KIF6: variants seen among roughly 807,000 people sequenced by gnomAD.
The protein encoded by KIF6 is kinesin-like protein KIF6.
KIF6 carries 106 observed loss-of-function variants against 112.7 expected under a neutral mutation model. The observed-to-expected ratio is 0.94, with a 90% confidence interval of 0.80 to 1.11. The LOEUF (loss-of-function observed/expected upper bound fraction) is 1.11. Among genes scored for constraint, KIF6 ranks in the 50% least tolerant of loss-of-function variants. The probability of loss-of-function intolerance (pLI) is 0.00; values close to 1 mark genes in which losing one functional copy is unlikely to be tolerated. For synonymous variants in KIF6, 339 were observed against 339.9 expected (o/e 1.00, Z 0.03); for missense variants, 929 against 964.0 (o/e 0.96, Z 0.48).
chr6:39,716,833 T>C (rs998321964), intron 2 of KIF6, among the ~76,000 whole-genome samples: 2 of 152,196 alleles, frequency 1.3e-5, no homozygotes, highest in African/African-American at 2.4e-5. Context: ...TCCTGTGCTC[T>C]TCCTCATCTC....
At chr6:39,551,758 G>T (rs1311833432) in intron 10 of KIF6, among the ~76,000 whole-genome samples, 2 of 152,150 alleles carry the variant, frequency 1.3e-5, no homozygotes, top group African/African-American at 4.8e-5. Context: ...ATTGACTGTG[G>T]TAGCATAAGA....
intron 13 of KIF6, among the ~76,000 whole-genome samples, chr6:39,523,509 C>T (rs1562285103): frequency 6.6e-6 from 1 of 151,414 alleles, no homozygotes; most frequent in Non-Finnish European, 1.5e-5. Context: ...TCCACACAAA[C>T]CCTACAATCC....
intron 4 of KIF6, among the ~76,000 whole-genome samples, chr6:39,638,150 C>T (rs1784723063): frequency 6.6e-6 from 1 of 151,970 alleles, no homozygotes; most frequent in Non-Finnish European, 1.5e-5. Flanking sequence ...CATTAATATC[C>T]ATATGTGGAT....
At position 39,552,925 on chromosome 6, in the gene KIF6, C is replaced by T. The variant is rs955668773; in HGVS notation, c.1182-7237G>A. 3.9e-5 allele frequency among the ~76,000 whole-genome samples: 6 copies of T among 152,046 alleles called. No individual in the cohort carries two copies. In the East Asian group the frequency reaches 7.7e-4, roughly 20 times the overall value. ...ATTAACTACATAACTACACAATCCA[C>T]CAAGGACATGAAAAGCTGAAGGCTG... is the stretch of plus-strand genomic sequence containing the variant. On this transcript the variant is annotated intron_variant, in intron 10 of 22. Transcript: ENST00000287152.
At chr6:39,523,922 C>T (rs1257908955) in intron 13 of KIF6, among the ~76,000 whole-genome samples, 4 of 151,714 alleles carry the variant, frequency 2.6e-5, no homozygotes, top group Non-Finnish European at 4.4e-5. Context: ...AGCTTGAATT[C>T]AATGAATTTT....
intron 13 of KIF6, among the ~76,000 whole-genome samples, chr6:39,455,827 A>T (rs1329313865): frequency 6.7e-6 from 1 of 148,274 alleles, no homozygotes; most frequent in Non-Finnish European, 1.5e-5. Flanking sequence ...AGAAAAAAGA[A>T]TAAAAAGAAA....
chr6:39,528,971 T>A (rs999457762), intron 13 of KIF6, among the ~76,000 whole-genome samples: 2 of 152,296 alleles, frequency 1.3e-5, no homozygotes, highest in Non-Finnish European at 2.9e-5. Context: ...AATAGACTCA[T>A]CGACCAATGG....
intron 13 of KIF6, among the ~76,000 whole-genome samples, chr6:39,467,331 A>T (rs1773852910): frequency 1.3e-5 from 2 of 152,362 alleles, no homozygotes; most frequent in South Asian, 4.1e-4. Context: ...ATGGCCTCAA[A>T]GACTACCCCT....
At chr6:39,460,538 A>T (rs1773409394) in intron 13 of KIF6, among the ~76,000 whole-genome samples, 1 of 102,020 alleles carries the variant, frequency 9.8e-6, no homozygotes, top group Admixed American at 9.4e-5. Flanking sequence ...AAAAAAAGTA[A>T]AAAAAAAAAA....
intron 13 of KIF6, among the ~76,000 whole-genome samples, chr6:39,486,663 A>C (rs1241538758): frequency 6.6e-6 from 1 of 152,246 alleles, no homozygotes; most frequent in African/African-American, 2.4e-5. Flanking sequence ...ACATATGTAC[A>C]TACTAAAGAA....
chr6:39,475,515 A>G (rs868366582), intron 13 of KIF6, among the ~76,000 whole-genome samples: 2 of 152,210 alleles, frequency 1.3e-5, no homozygotes, highest in South Asian at 4.1e-4. Context: ...AATATTTGTT[A>G]GGATTGTCTT....
chr6:39,669,041 T>C (rs1438750245), intron 3 of KIF6, among the ~76,000 whole-genome samples: 1 of 152,206 alleles, frequency 6.6e-6, no homozygotes, highest in African/African-American at 2.4e-5. Flanking sequence ...TTTTTATTAC[T>C]TAATACCTGT....
intron 13 of KIF6, among the ~76,000 whole-genome samples, chr6:39,440,153 G>A (rs909624826): frequency 7.2e-5 from 11 of 152,042 alleles, no homozygotes; most frequent in Admixed American, 2.0e-4. Flanking sequence ...ATTCCAAGGA[G>A]ATGGGGGTTT....
chr6:39,447,235 G>T (rs766941625), intron 13 of KIF6, among the ~76,000 whole-genome samples: 17 of 152,256 alleles, frequency 1.1e-4, no homozygotes, highest in South Asian at 2.1e-4. Flanking sequence ...AATGTGACAG[G>T]ACAGGGGCTT....
chr6:39,591,216 G>A (rs547984843), intron 7 of KIF6, among the ~76,000 whole-genome samples: 18 of 152,290 alleles, frequency 1.2e-4, no homozygotes, highest in African/African-American at 4.1e-4. Flanking sequence ...GCTCCTGGCC[G>A]AGCTTCTCAT....
chr6:39,720,908 C>T (rs982869103), intron 1 of KIF6, 97 bp from the exon 2 acceptor site: 26 of 634,504 alleles, frequency 4.1e-5, no homozygotes, highest in African/African-American at 2.9e-4. Context: ...GAAAATTATA[C>T]TCTTAAGATT....
intron 13 of KIF6, among the ~76,000 whole-genome samples, chr6:39,453,084 A>G (rs1317777318): frequency 1.3e-5 from 2 of 152,254 alleles, no homozygotes; most frequent in African/African-American, 4.8e-5. Context: ...CAATCAATTT[A>G]AACAAATGTG....
chr6:39,339,187 A>G (rs547192853), intron 22 of KIF6, among the ~76,000 whole-genome samples: 6 of 152,074 alleles, frequency 3.9e-5, no homozygotes, highest in Non-Finnish European at 7.4e-5. Flanking sequence ...GCAAAATCAC[A>G]CCTCATGGTG....
Position 39,342,858 on chromosome 6 carries a change from C to G in KIF6, c.2428+851G>C. 2 of 985,374 alleles carry G rather than the reference C, an allele frequency of 2.0e-6. No homozygotes were observed. Among genetic ancestry groups the G allele is most frequent in the Non-Finnish European group, 2.4e-6 (2 of 829,920 alleles). The allele number at this position is 985,374 out of a possible 1,614,324, so 61.0% of individuals were successfully genotyped here. ...AACCTCTTCCTGCCCAAACTGCACA[C>G]GGCTGGTGGAGAAGCTGAGTGCAGG... is the stretch of plus-strand genomic sequence containing the variant. On this transcript the variant is annotated intron_variant, in intron 22 of 22. Transcript: ENST00000287152. The surrounding 1 kb of genome is among the most constrained non-coding windows in gnomAD (Gnocchi z 4.7).
Sources: allele counts gnomAD v4.1 joint callset (sites outside exome capture counted in the v4.1 genomes callset), GRCh38; gene constraint gnomAD v4.1.1; non-coding constraint Gnocchi (gnomAD v3.1); transcripts MANE v1.5; gene names NCBI Gene and HGNC (gene_info 2026-07-23, HGNC 2026-07-21).